Variants in CAMTA1 observed in about 807,000 individuals in gnomAD.
CAMTA1 encodes calmodulin-binding transcription activator 1.
Under a neutral mutation model 170.9 loss-of-function variants are expected in CAMTA1, and 27 were observed. The observed-to-expected ratio is 0.16, with a 90% confidence interval of 0.12 to 0.22. The LOEUF (loss-of-function observed/expected upper bound fraction) is 0.22, where lower values mean the gene tolerates loss of function less well. CAMTA1 is among the 10% of genes least tolerant of loss of function. The pLI, the probability that CAMTA1 is intolerant of heterozygous loss-of-function variation, is 1.00. For missense variants in CAMTA1, 1,619 were observed against 2,217.2 expected (o/e 0.73, Z 5.42); for synonymous variants, 833 against 891.5 (o/e 0.93, Z 1.17).
At chr1:6,801,193 A>G (rs1381863362) in intron 1 of CAMTA1, among the ~76,000 whole-genome samples, 1 of 152,232 alleles carries the variant, frequency 6.6e-6, no homozygotes, top group Non-Finnish European at 1.5e-5. Context: ...AAGGAACATC[A>G]GGCTTTCTGT....
intron 6 of CAMTA1, among the ~76,000 whole-genome samples, chr1:7,546,248 G>T (rs867672957): frequency 3.3e-5 from 5 of 152,130 alleles, no homozygotes; most frequent in Non-Finnish European, 7.3e-5. Flanking sequence ...GAGCCACTGC[G>T]CCCGGCCTGG....
Position 7,482,145 on chromosome 1 carries a change from C to T in CAMTA1, c.510+14244C>T, listed in dbSNP as rs1266721410. Among the ~76,000 whole-genome samples, 1 of 152,190 alleles carries T rather than the reference C, an allele frequency of 6.6e-6. No individual in the cohort carries two copies. Among genetic ancestry groups the T allele is most frequent in the African/African-American group, 2.4e-5 (1 of 41,438 alleles). On this transcript the variant is annotated intron_variant, in intron 6 of 22. Transcript: ENST00000303635. The surrounding 1 kb of genome is among the most constrained non-coding windows in gnomAD (Gnocchi z 4.2). ...TCGTATTTTGCCATTCATCATGTTG[C>T]TACTGCCTACTGTGTTATTTATGCC...
At position 7,565,925 on chromosome 1, in the gene CAMTA1, G is replaced by GGAGAGA. The variant is rs112929831; in HGVS notation, c.511-74456_511-74451dup. ...TTCTCGCTGTGTCCTCACATAGTAG[G>GGAGAGA]GAGAGAGAGAGAGAGAGAGAGAGAA... On this transcript the variant is annotated intron_variant, in intron 6 of 22. Transcript: ENST00000303635. The surrounding 1 kb of genome is among the most constrained non-coding windows in gnomAD (Gnocchi z 4.5). Among the ~76,000 whole-genome samples the GGAGAGA allele has an allele frequency of 1.1e-4, 16 of 148,798 alleles. No homozygotes were observed. Among genetic ancestry groups the GGAGAGA allele is most frequent in the African/African-American group, 3.9e-4 (16 of 40,508 alleles).
rs756283862 is a variant in CAMTA1, at chr1:6,825,237, A to G, written c.234+27A>G. 5 of 1,375,118 alleles carry G rather than the reference A, an allele frequency of 3.6e-6. No individual in the cohort carries two copies. In the South Asian group the frequency reaches 5.1e-5, roughly 14 times the overall value. 85.2% of individuals were successfully genotyped at this position (1,375,118 alleles called of 1,614,324 possible). A position where few individuals can be genotyped will look rare whatever the true frequency, so the allele number is the denominator to read the frequency against. On this transcript the variant is annotated intron_variant, in intron 3 of 22. Transcript: ENST00000303635. Reference sequence around the variant, plus strand: ...TAGATAAGTTTCTTTTTTTAAGGGTATAATTATTTTAAGGGCAAATTTTTT... The same window carrying G: ...TAGATAAGTTTCTTTTTTTAAGGGTGTAATTATTTTAAGGGCAAATTTTTT...
intron 3 of CAMTA1, among the ~76,000 whole-genome samples, chr1:6,995,681 G>A (rs966532761): frequency 1.3e-5 from 2 of 152,152 alleles, no homozygotes; most frequent in Non-Finnish European, 2.9e-5. Flanking sequence ...CTAACAGATC[G>A]GGAGATGATT....
intron 3 of CAMTA1, among the ~76,000 whole-genome samples, chr1:6,963,992 TA>T (rs1453454403): frequency 6.6e-6 from 1 of 151,414 alleles, no homozygotes; most frequent in African/African-American, 2.4e-5. Context: ...GGTGCCCAGA[TA>T]GGGGTGCAGA....
chr1:7,124,888 G>T (rs1175481866), intron 4 of CAMTA1, among the ~76,000 whole-genome samples: 3 of 152,124 alleles, frequency 2.0e-5, no homozygotes, highest in Admixed American at 2.0e-4. Context: ...CATTTTATTC[G>T]TGGAAGCCTA....
intron 6 of CAMTA1, among the ~76,000 whole-genome samples, chr1:7,560,761 G>A (rs571791407): frequency 2.6e-5 from 4 of 152,230 alleles, no homozygotes; most frequent in South Asian, 4.1e-4. Context: ...GGACTGCTTT[G>A]GTGCCATCAG....
At chr1:7,372,493 G>A (rs528808165) in intron 5 of CAMTA1, among the ~76,000 whole-genome samples, 125 of 152,328 alleles carry the variant, frequency 8.2e-4, no homozygotes, top group African/African-American at 2.9e-3. Flanking sequence ...CCTGGGCTGG[G>A]TCTGTTGCAG....
intron 5 of CAMTA1, chr1:7,388,290 T>C (rs845231): frequency 0.73 from 110,312 of 152,140 alleles, 40,542 homozygotes; most frequent in Middle Eastern, 0.8. Context: ...GGTCAGCCCA[T>C]GCCGGCTGCC....
chr1:7,700,328 A>G (rs2096425361), intron 11 of CAMTA1, among the ~76,000 whole-genome samples: 1 of 152,182 alleles, frequency 6.6e-6, no homozygotes, highest in African/African-American at 2.4e-5. Flanking sequence ...GTGGCTTTTT[A>G]AAATATTTTC....
At chr1:7,517,090 C>T (rs1385615352) in intron 6 of CAMTA1, among the ~76,000 whole-genome samples, 3 of 152,092 alleles carry the variant, frequency 2.0e-5, no homozygotes, top group Non-Finnish European at 4.4e-5. Flanking sequence ...TTTTTGCTGA[C>T]ATGAGCATCT....
intron 5 of CAMTA1, among the ~76,000 whole-genome samples, chr1:7,387,719 A>T (rs2088174111): frequency 6.6e-6 from 1 of 152,224 alleles, no homozygotes; most frequent in Non-Finnish European, 1.5e-5. Flanking sequence ...TTGGACACAG[A>T]TGGGTAGGAG....
At chr1:7,008,963 C>T (rs1026364726) in intron 3 of CAMTA1, among the ~76,000 whole-genome samples, 2 of 152,224 alleles carry the variant, frequency 1.3e-5, no homozygotes, top group Admixed American at 6.5e-5. Context: ...TGCTGGCTTC[C>T]AATGGGGAAG....
chr1:7,738,059 C>T lies in CAMTA1; in HGVS notation c.3759C>T (p.Phe1253=). The T allele has an allele frequency of 6.2e-7, 1 of 1,614,180 alleles. No homozygotes were observed. The highest frequency in any genetic ancestry group is 8.5e-7 in the Non-Finnish European group (1 of 1,180,042). ...AGCATAAATTGAACCCTGAGTACTT[C>T]CAGACAAGGCAGGAGAAGCTGCTTC... The part of the protein sequence containing the change: ...PKKHKLNPEY[F]QTRQEKLLPT... Residue 1253 remains phenylalanine, a synonymous_variant, in exon 16 of 23, where the codon TTC becomes TTT. Coordinates refer to ENST00000303635, the MANE Select transcript of CAMTA1 (RefSeq NM_015215.4). This position sits in a 1 kb window ranked among gnomAD's most constrained non-coding sequence, Gnocchi z 4.9.
At chr1:6,849,600 G>A (rs754585705) in intron 3 of CAMTA1, among the ~76,000 whole-genome samples, 1 of 151,452 alleles carries the variant, frequency 6.6e-6, no homozygotes, top group Non-Finnish European at 1.5e-5. Context: ...CCAAGGTGCA[G>A]AGTAAAATTA....
chr1:7,133,218 G>A lies in CAMTA1; in HGVS notation c.302+41847G>A, dbSNP rs1318584432. ...GTGAAATACCAGTTATCTGGGCCTG[G>A]AATTTTCTTTGTGCACAACTTTTTA... is the stretch of plus-strand genomic sequence containing the variant. On this transcript the variant is annotated intron_variant, in intron 4 of 22. Transcript: ENST00000303635. Among the ~76,000 whole-genome samples, 4 of 152,240 alleles carry A rather than the reference G, an allele frequency of 2.6e-5. No individual in the cohort carries two copies. In the South Asian group the frequency reaches 8.3e-4, roughly 32 times the overall value.
chr1:7,374,763 G>T (rs561476460), intron 5 of CAMTA1, among the ~76,000 whole-genome samples: 1 of 152,302 alleles, frequency 6.6e-6, no homozygotes, highest in African/African-American at 2.4e-5. Context: ...AACTCTCTGG[G>T]CTTCTTACCA....
At chr1:7,214,056 C>A (rs553269667) in intron 4 of CAMTA1, among the ~76,000 whole-genome samples, 82 of 152,252 alleles carry the variant, frequency 5.4e-4, no homozygotes, top group Admixed American at 1.7e-3. Context: ...GTGAATAGTG[C>A]CACAATAAAC....
Sources: gnomAD v4.1 joint callset for allele counts (sites outside exome capture counted in the v4.1 genomes callset) on GRCh38, gnomAD v4.1.1 for gene constraint, Gnocchi (gnomAD v3.1) non-coding constraint, MANE v1.5 for transcripts, NCBI Gene and HGNC (gene_info 2026-07-23, HGNC 2026-07-21) for gene names.